CANT1: variants seen among roughly 807,000 people sequenced by gnomAD.
CANT1 encodes soluble calcium-activated nucleotidase 1.
Under a neutral mutation model 30.0 loss-of-function variants are expected in CANT1, and 26 were observed. The ratio of observed to expected loss-of-function variants is 0.87; its 90% CI spans 0.64 to 1.20. The LOEUF is 1.20. CANT1 is among the 50% of genes most tolerant of loss of function. CANT1 has a pLI of 0.00. For missense variants in CANT1, 518 were observed against 563.0 expected (o/e 0.92, Z 0.81); for synonymous variants, 246 against 251.8 (o/e 0.98, Z 0.22).
At position 78,996,531 on chromosome 17, in the gene CANT1, G is replaced by A. The variant is rs1043290818; in HGVS notation, c.631+461C>T. ...CTCCCCCTGCTGGGGTTCAGGGAGA[G>A]GAGGGCTGGGCAGCAGTTTACCCTT... On this transcript the variant is annotated intron_variant, in intron 3 of 4. Transcript: ENST00000392446. The surrounding 1 kb of genome is among the most constrained non-coding windows in gnomAD (Gnocchi z 5.1). 2.6e-5 allele frequency among the ~76,000 whole-genome samples: 4 copies of A among 152,214 alleles called. No homozygotes were observed. Among genetic ancestry groups the A allele is most frequent in the African/African-American group, 9.6e-5 (4 of 41,452 alleles).
chr17:79,001,241 G>A (rs1388941483), intron 1 of CANT1, among the ~76,000 whole-genome samples: 1 of 152,110 alleles, frequency 6.6e-6, no homozygotes, highest in Non-Finnish European at 1.5e-5. Flanking sequence ...CAGCACTCCG[G>A]AGAGCCACTG....
At chr17:79,003,401 C>A (rs1395251535) in intron 1 of CANT1, among the ~76,000 whole-genome samples, 1 of 140,870 alleles carries the variant, frequency 7.1e-6, no homozygotes, top group Non-Finnish European at 1.5e-5. Flanking sequence ...CCGGCGCCTG[C>A]TGCAGGCAAG....
Position 78,997,070 on chromosome 17 carries a change from C to G in CANT1, c.553G>C (p.Gly185Arg). ...CTGCCTTCGATCTGGTAGACGACCC[C>G]CGTCCGGTCATCCACGGAGTAGAGT... ...GKLYSVDDRTGVVYQIEGSKA... is the reference protein window; with the variant it reads ...GKLYSVDDRTRVVYQIEGSKA... The change falls in exon 3 of 5, where the codon GGG becomes CGG. Residue 185 changes from glycine to arginine, a missense_variant. Physicochemically the swap from Gly to Arg is moderately radical, Grantham distance 125 (BLOSUM62 -2). Around this residue, in one of 3 missense-constraint regions of CANT1, gnomAD observed 249 missense variants for 268.8 expected, o/e 0.93. Coordinates refer to ENST00000392446, the MANE Select transcript of CANT1 (RefSeq NM_001159773.2). This position sits in a 1 kb window ranked among gnomAD's most constrained non-coding sequence, Gnocchi z 7.5. 1 of 1,614,250 alleles carries G rather than the reference C, an allele frequency of 6.2e-7. No homozygotes were observed. Among genetic ancestry groups the G allele is most frequent in the Non-Finnish European group, 8.5e-7 (1 of 1,180,052 alleles).
Position 79,008,325 on chromosome 17 carries a change from G to A in CANT1, c.-147+1339C>T, listed in dbSNP as rs1029600339. 2.0e-5 allele frequency among the ~76,000 whole-genome samples: 3 copies of A among 152,230 alleles called. No homozygotes were observed. Among genetic ancestry groups the A allele is most frequent in the Admixed American group, 6.5e-5 (1 of 15,288 alleles). The stretch of plus-strand genomic sequence containing the variant: ...TCCAGGCCTGGAGGGACCTTTCTCA[G>A]CAAAGCTCCTCAGAGGGAGAGGGAG... On this transcript the variant is annotated intron_variant, in intron 1 of 4. Coordinates refer to ENST00000392446, the MANE Select transcript of CANT1 (RefSeq NM_001159773.2). The surrounding 1 kb of genome is among the most constrained non-coding windows in gnomAD (Gnocchi z 4.4).
At chr17:79,000,560 A>T (rs542585769) in intron 1 of CANT1, among the ~76,000 whole-genome samples, 3 of 151,200 alleles carry the variant, frequency 2.0e-5, no homozygotes, top group Non-Finnish European at 4.4e-5. Context: ...ATCAGATGGC[A>T]CACTCCCAGC....
At position 78,995,485 on chromosome 17, in the gene CANT1, G is replaced by A. The variant is rs1312121205; in HGVS notation, c.632-264C>T. Among the ~76,000 whole-genome samples, 1 of 152,166 alleles carries A rather than the reference G, an allele frequency of 6.6e-6. No homozygotes were observed. Among genetic ancestry groups the A allele is most frequent in the Non-Finnish European group, 1.5e-5 (1 of 68,028 alleles). Reference sequence around the variant, plus strand: ...CCTCAAGCTGTAACCCCAACCTTAGGATTATCCTTAAAGGCTAGAAAAGCT... The same window carrying A: ...CCTCAAGCTGTAACCCCAACCTTAGAATTATCCTTAAAGGCTAGAAAAGCT... On this transcript the variant is annotated intron_variant, in intron 3 of 4. Coordinates refer to ENST00000392446, the MANE Select transcript of CANT1 (RefSeq NM_001159773.2). This position sits in a 1 kb window ranked among gnomAD's most constrained non-coding sequence, Gnocchi z 5.7.
chr17:78,995,075 C>T lies in CANT1; in HGVS notation c.778G>A (p.Glu260Lys), dbSNP rs201092090. ...VVGYKGSVDH[E>K]NWVSNYNALR... ...GCGTTGTAGTTGGACACCCAGTTCT[C>T]GTGGTCCACGCTGCCCTTGTAGCCC... The change falls in exon 4 of 5, where the codon GAG becomes AAG. Residue 260 changes from glutamate to lysine, a missense_variant. By Grantham distance (56) the Glu-to-Lys change is moderately conservative (BLOSUM62 1). Transcript: ENST00000392446. This position sits in a 1 kb window ranked among gnomAD's most constrained non-coding sequence, Gnocchi z 5.7. 8 of 1,607,930 alleles carry T rather than the reference C, an allele frequency of 5.0e-6. No homozygotes were observed. Among genetic ancestry groups the T allele is most frequent in the African/African-American group, 2.7e-5 (2 of 74,958 alleles).
At chr17:78,999,802 C>T (rs1166222777) in intron 1 of CANT1, among the ~76,000 whole-genome samples, 1 of 151,840 alleles carries the variant, frequency 6.6e-6, no homozygotes, top group Non-Finnish European at 1.5e-5. Flanking sequence ...TACAGGCATG[C>T]ACCACCACGC....
In CANT1 at chr17:79,009,664, C is replaced by T. The variant is rs1227087948; in HGVS notation, c.-147G>A. 1 of 152,198 alleles carries T rather than the reference C, an allele frequency of 6.6e-6. No homozygotes were observed. The highest frequency in any genetic ancestry group is 2.4e-5 in the African/African-American group (1 of 41,370). 9.4% of individuals were successfully genotyped at this position (152,198 alleles called of 1,614,324 possible). Reference sequence around the variant, plus strand: ...GGCGGCCGCGGGCGCAGTCACTCACCCGCTGCGGGGCTGGCTCCGGTGCCC... The same window carrying T: ...GGCGGCCGCGGGCGCAGTCACTCACTCGCTGCGGGGCTGGCTCCGGTGCCC... On this transcript the variant is annotated splice_region_variant and 5_prime_UTR_variant, in exon 1 of 5. Transcript: ENST00000392446.
At chr17:79,003,153 C>T (rs761690725) in intron 1 of CANT1, among the ~76,000 whole-genome samples, 14 of 152,176 alleles carry the variant, frequency 9.2e-5, no homozygotes, top group African/African-American at 2.7e-4. Context: ...GGGGCAGAGA[C>T]GCCAGGGCCT....
At position 78,997,697 on chromosome 17, in the gene CANT1, C is replaced by T. The variant is rs1243362265; in HGVS notation, c.-22-53G>A. On this transcript the variant is annotated intron_variant, in intron 2 of 4. Coordinates refer to ENST00000392446, the MANE Select transcript of CANT1 (RefSeq NM_001159773.2). The surrounding 1 kb of genome is among the most constrained non-coding windows in gnomAD (Gnocchi z 7.5). ...GTCAGCGCCTCCGCAAGCCCAGTCA[C>T]ATCTTAGTTCCGGAAGCTGCAGGCG... 6.9e-7 allele frequency: 1 copy of T among 1,450,010 alleles called. No individual in the cohort carries two copies. 89.8% of individuals were successfully genotyped at this position (1,450,010 alleles called of 1,614,324 possible).
In CANT1 at chr17:78,993,902, G is replaced by C. The variant is rs753626403; in HGVS notation, c.854C>G (p.Ser285Cys). 8.8e-6 allele frequency: 14 copies of C among 1,587,846 alleles called. No individual in the cohort carries two copies. Among genetic ancestry groups the C allele is most frequent in the South Asian group, 1.1e-5 (1 of 89,128 alleles). Residue 285 changes from serine (S) to cysteine (C), a missense_variant, in exon 5 of 5, where the codon TCT becomes TGT. This residue lies in a region of CANT1 where 221 missense variants were observed against 211.8 expected (regional missense o/e 1.04). Transcript: ENST00000392446. This position sits in a 1 kb window ranked among gnomAD's most constrained non-coding sequence, Gnocchi z 4.5. ...IQPPGYLIHE[S>C]ACWSDTLQRW... ...CTGCAGCGTGTCACTCCAGCAGGCA[G>C]ACTCATGGATGAGGTAGCCTGGGAA...
intron 4 of CANT1, among the ~76,000 whole-genome samples, chr17:78,994,634 G>C (rs2070964033): frequency 6.6e-6 from 1 of 152,234 alleles, no homozygotes; most frequent in East Asian, 1.9e-4. Context: ...GGCCTTGGAG[G>C]CTGGGTGTGG....
At position 78,995,683 on chromosome 17, in the gene CANT1, C is replaced by CT. The variant is rs1164113428; in HGVS notation, c.632-463dup. ...TGGATTTGTTCAGAAGCTGTTTTTG[C>CT]TTTTTTTAAACTGATTTATTTAAAA... is the stretch of plus-strand genomic sequence containing the variant. On this transcript the variant is annotated intron_variant, in intron 3 of 4. Coordinates refer to ENST00000392446, the MANE Select transcript of CANT1 (RefSeq NM_001159773.2). This position sits in a 1 kb window ranked among gnomAD's most constrained non-coding sequence, Gnocchi z 5.7. Among the ~76,000 whole-genome samples, 2 of 152,162 alleles carry CT rather than the reference C, an allele frequency of 1.3e-5. No homozygotes were observed. The highest frequency in any genetic ancestry group is 2.9e-5 in the Non-Finnish European group (2 of 68,030).
At chr17:79,007,121 G>A (rs1004748505) in intron 1 of CANT1, among the ~76,000 whole-genome samples, 2 of 152,236 alleles carry the variant, frequency 1.3e-5, no homozygotes, top group African/African-American at 4.8e-5. Flanking sequence ...ACCACTGCAC[G>A]CATGACAAAG....
chr17:79,009,320 C>G (rs1483318625), intron 1 of CANT1, among the ~76,000 whole-genome samples: 1 of 151,954 alleles, frequency 6.6e-6, no homozygotes, highest in Non-Finnish European at 1.5e-5. Context: ...CCACACTAAT[C>G]AGAGGGGAAT....
chr17:79,007,889 C>T (rs1189360198), intron 1 of CANT1, among the ~76,000 whole-genome samples: 1 of 152,234 alleles, frequency 6.6e-6, no homozygotes, highest in Non-Finnish European at 1.5e-5. Flanking sequence ...GCGAGGTGTC[C>T]CAGGGTCCAG....
rs1019334005 is a variant in CANT1, at chr17:78,991,739, G to A, written c.*1811C>T. 2 of 210,788 alleles carry A rather than the reference G, an allele frequency of 9.5e-6. No individual in the cohort carries two copies. The highest frequency in any genetic ancestry group is 1.9e-5 in the Non-Finnish European group (2 of 103,906). 13.1% of individuals were successfully genotyped at this position (210,788 alleles called of 1,614,324 possible). A position where few individuals can be genotyped will look rare whatever the true frequency, so the allele number is the denominator to read the frequency against. On this transcript the variant is annotated 3_prime_UTR_variant, in exon 5 of 5. Coordinates refer to ENST00000392446, the MANE Select transcript of CANT1 (RefSeq NM_001159773.2). ...ACTACACTCCCTCAGACGCTTTATT[G>A]TTTACAAAACAGATGGATCCCATAG... is the stretch of plus-strand genomic sequence containing the variant.
chr17:78,993,740 A>C lies in CANT1; in HGVS notation c.1016T>G (p.Val339Gly), dbSNP rs1599216460. ...DIAVSHVGAV[V>G]PTHGFSSFKF... ...GAAGGACGAGAAGCCGTGAGTGGGG[A>C]CCACCGCCCCGACGTGGCTCACAGC... The change falls in exon 5 of 5, where the codon GTC (valine) becomes GGC (glycine). Residue 339 changes from valine (V) to glycine (G), a missense_variant. By Grantham distance (109) the Val-to-Gly change is moderately radical. Coordinates refer to ENST00000392446, the MANE Select transcript of CANT1 (RefSeq NM_001159773.2). This position sits in a 1 kb window ranked among gnomAD's most constrained non-coding sequence, Gnocchi z 4.5. 4.3e-6 allele frequency: 7 copies of C among 1,613,798 alleles called. No homozygotes were observed. The highest frequency in any genetic ancestry group is 5.9e-6 in the Non-Finnish European group (7 of 1,180,022).
Sources: allele counts gnomAD v4.1 joint callset (sites outside exome capture counted in the v4.1 genomes callset), GRCh38; gene constraint gnomAD v4.1.1; regional missense constraint gnomAD v4.1.1; non-coding constraint Gnocchi (gnomAD v3.1); transcripts MANE v1.5; gene names NCBI Gene and HGNC (gene_info 2026-07-23, HGNC 2026-07-21).